The following PRKCE variants were observed in gnomAD, a reference collection of about 807,000 sequenced individuals.
The protein encoded by PRKCE is protein kinase C epsilon.
In PRKCE, 16 loss-of-function variants were observed where a neutral mutation model predicts 85.4. The observed-to-expected ratio is 0.19, with a 90% confidence interval of 0.13 to 0.28. The LOEUF is 0.28. Ranked by LOEUF, PRKCE falls within the 10% of genes least tolerant of loss-of-function variation. PRKCE has a pLI of 1.00. For missense variants in PRKCE, 573 were observed against 975.2 expected (o/e 0.59, Z 5.49); for synonymous variants, 388 against 371.5 (o/e 1.04, Z -0.51).
chr2:45,979,129 C>G, intron 4 of PRKCE, 119 bp downstream of exon 4: 1 of 953,044 alleles, frequency 1.0e-6, no homozygotes, highest in Non-Finnish European at 1.6e-6. Flanking sequence ...AGCTTGCATG[C>G]TTTCTTTGTT....
intron 1 of PRKCE, among the ~76,000 whole-genome samples, chr2:45,763,402 G>C (rs1239971596): frequency 2.0e-5 from 3 of 152,184 alleles, no homozygotes; most frequent in Non-Finnish European, 2.9e-5. Context: ...CTAAGCTTAT[G>C]CTAAAGGGCA....
chr2:45,763,634 G>C (rs1187740903), intron 1 of PRKCE, among the ~76,000 whole-genome samples: 1 of 151,488 alleles, frequency 6.6e-6, no homozygotes. Flanking sequence ...AATCTCCCTT[G>C]GTATAACCCG....
At chr2:45,995,491 A>G (rs1704140875) in intron 6 of PRKCE, among the ~76,000 whole-genome samples, 1 of 152,022 alleles carries the variant, frequency 6.6e-6, no homozygotes, top group African/African-American at 2.4e-5. Context: ...TGCCTTTTAC[A>G]TTTAGGTCTA....
At chr2:45,789,988 C>G (rs1573366897) in intron 1 of PRKCE, among the ~76,000 whole-genome samples, 1 of 152,002 alleles carries the variant, frequency 6.6e-6, no homozygotes. Context: ...CCTGGGACAC[C>G]AAAGATTTAT....
At chr2:46,028,880 A>G (rs1445659498) in intron 10 of PRKCE, among the ~76,000 whole-genome samples, 1 of 152,192 alleles carries the variant, frequency 6.6e-6, no homozygotes, top group Non-Finnish European at 1.5e-5. Context: ...CTCATCATTT[A>G]GCTCTCACTT....
At chr2:45,703,029 C>CG (rs1678798147) in intron 1 of PRKCE, among the ~76,000 whole-genome samples, 1 of 151,772 alleles carries the variant, frequency 6.6e-6, no homozygotes, top group South Asian at 2.1e-4. Flanking sequence ...TTTCCCCCCC[C>CG]GTCAGGAAGT....
intron 2 of PRKCE, among the ~76,000 whole-genome samples, chr2:45,937,278 T>G (rs1249838983): frequency 1.3e-5 from 2 of 152,234 alleles, no homozygotes; most frequent in East Asian, 3.8e-4. Flanking sequence ...GCTGTGTCCC[T>G]TGGTCTGCCA....
At chr2:45,699,854 A>T (rs1204160597) in intron 1 of PRKCE, among the ~76,000 whole-genome samples, 2 of 152,034 alleles carry the variant, frequency 1.3e-5, no homozygotes, top group Non-Finnish European at 2.9e-5. Flanking sequence ...ACCAGTGTGG[A>T]TGCCGCCGCT....
In PRKCE at chr2:46,059,333, T is replaced by A. The variant is rs1666896813; in HGVS notation, c.1438-26875T>A. Among the ~76,000 whole-genome samples the A allele has an allele frequency of 2.6e-5, 4 of 152,358 alleles. No homozygotes were observed. The South Asian group carries it at 8.3e-4, about 32-fold the overall frequency. On this transcript the variant is annotated intron_variant, in intron 10 of 14. Transcript: ENST00000306156. ...TTTAGATCAAATAAAATAGTATTAA[T>A]GCCTATTTATTTGCACTTTGTTTTC...
intron 1 of PRKCE, among the ~76,000 whole-genome samples, chr2:45,730,529 G>A (rs1435955682): frequency 1.3e-5 from 2 of 149,062 alleles, no homozygotes; most frequent in Admixed American, 6.7e-5. Context: ...GCACAATCTC[G>A]GCTCACTGCG....
intron 2 of PRKCE, among the ~76,000 whole-genome samples, chr2:45,885,002 T>TATTTTTTTTTTTTTG (rs1553440407): frequency 8.2e-5 from 8 of 97,662 alleles, no homozygotes; most frequent in Non-Finnish European, 1.7e-4. Flanking sequence ...TATATATATA[T>TATTTTTTTTTTTTTG]TTGTTGTTGT....
At chr2:45,701,158 T>C (rs1359054427) in intron 1 of PRKCE, among the ~76,000 whole-genome samples, 2 of 152,188 alleles carry the variant, frequency 1.3e-5, no homozygotes, top group African/African-American at 2.4e-5. Context: ...AATATATTTA[T>C]ACCTAGAACA....
intron 6 of PRKCE, among the ~76,000 whole-genome samples, chr2:45,989,927 C>T (rs956194929): frequency 6.6e-6 from 1 of 152,162 alleles, no homozygotes; most frequent in African/African-American, 2.4e-5. Context: ...CATCCTCAGA[C>T]TTCTAAAAAT....
chr2:45,906,754 G>A (rs78827786), intron 2 of PRKCE, among the ~76,000 whole-genome samples: 7,317 of 152,296 alleles, frequency 0.048, 189 homozygotes, highest in African/African-American at 0.066. Flanking sequence ...TCCATCAGGC[G>A]GCAGCTCTGG....
intron 5 of PRKCE, among the ~76,000 whole-genome samples, chr2:45,981,424 T>A (rs1265476650): frequency 6.6e-6 from 1 of 152,220 alleles, no homozygotes; most frequent in African/African-American, 2.4e-5. Context: ...TTCTTAATAA[T>A]TGAGTCAAAT....
At chr2:45,804,715 G>A (rs370489759) in intron 1 of PRKCE, among the ~76,000 whole-genome samples, 29 of 152,282 alleles carry the variant, frequency 1.9e-4, no homozygotes, top group East Asian at 7.7e-4. Context: ...GTTGCTGTTC[G>A]TTCTCCCCAG....
chr2:45,962,183 G>A (rs1398753145), intron 2 of PRKCE, among the ~76,000 whole-genome samples: 1 of 152,212 alleles, frequency 6.6e-6, no homozygotes, highest in Admixed American at 6.5e-5. Flanking sequence ...GCTTTCCTGA[G>A]GTCAGCAAGG....
intron 6 of PRKCE, among the ~76,000 whole-genome samples, chr2:45,997,129 C>T (rs1704283184): frequency 6.6e-6 from 1 of 152,026 alleles, no homozygotes; most frequent in South Asian, 2.1e-4. Flanking sequence ...CTCTTTTATT[C>T]TTTTAATGCC....
At chr2:45,963,090 A>G (rs1385399663) in intron 2 of PRKCE, among the ~76,000 whole-genome samples, 1 of 152,296 alleles carries the variant, frequency 6.6e-6, no homozygotes, top group East Asian at 1.9e-4. Flanking sequence ...AGGGACGTCT[A>G]TCTCCCAGTG....
Sources: gnomAD v4.1 joint callset for allele counts (sites outside exome capture counted in the v4.1 genomes callset) on GRCh38, gnomAD v4.1.1 for gene constraint, MANE v1.5 for transcripts, NCBI Gene and HGNC (gene_info 2026-07-23, HGNC 2026-07-21) for gene names.